Variants in XYLT1 observed in about 807,000 individuals in gnomAD.
The protein encoded by XYLT1 is xylosyltransferase 1.
A neutral mutation model predicts 91.3 loss-of-function variants in XYLT1; 36 were observed. The ratio of observed to expected loss-of-function variants is 0.39; its 90% CI spans 0.30 to 0.52. The LOEUF is 0.52. Among genes scored for constraint, XYLT1 ranks in the 20% least tolerant of loss-of-function variants. The pLI, the probability that XYLT1 is intolerant of heterozygous loss-of-function variation, is 0.68. For synonymous variants in XYLT1, 588 were observed against 532.0 expected (o/e 1.11, Z -1.45); for missense variants, 1,242 against 1,284.5 (o/e 0.97, Z 0.51).
chr16:17,137,900 C>CAACAGAGAA (rs1223351941), intron 8 of XYLT1, among the ~76,000 whole-genome samples: 2 of 152,098 alleles, frequency 1.3e-5, no homozygotes, highest in Non-Finnish European at 2.9e-5. Flanking sequence ...CAGCATGTCC[C>CAACAGAGAA]AACAGAGAAT....
chr16:17,368,241 G>A (rs1370370204), intron 1 of XYLT1, among the ~76,000 whole-genome samples: 2 of 152,154 alleles, frequency 1.3e-5, no homozygotes, highest in Admixed American at 6.5e-5. Context: ...GAAGAGAGAC[G>A]ATGAGAACAC....
chr16:17,285,543 T>G (rs1292552434), intron 2 of XYLT1, among the ~76,000 whole-genome samples: 1 of 152,212 alleles, frequency 6.6e-6, no homozygotes, highest in Non-Finnish European at 1.5e-5. Flanking sequence ...ACTGTGCATG[T>G]GCCCAGACCA....
At chr16:17,130,872 G>A (rs545100167) in intron 9 of XYLT1, among the ~76,000 whole-genome samples, 6 of 38,604 alleles carry the variant, frequency 1.6e-4, no homozygotes, top group African/African-American at 2.8e-4. Context: ...AAGCCCTACC[G>A]CTTTCTCTAG....
At chr16:17,141,808 T>A (rs1415011851) in intron 6 of XYLT1, among the ~76,000 whole-genome samples, 3 of 152,242 alleles carry the variant, frequency 2.0e-5, no homozygotes, top group African/African-American at 7.2e-5. Flanking sequence ...TATACAGGGT[T>A]ATGAAACAGC....
intron 4 of XYLT1, 126 bp downstream of exon 4, chr16:17,200,356 T>C: frequency 8.3e-7 from 1 of 1,207,444 alleles, no homozygotes. Context: ...GAGAGGCAGC[T>C]GGTCAGCTTC....
intron 2 of XYLT1, among the ~76,000 whole-genome samples, chr16:17,284,173 C>T (rs548344921): frequency 6.6e-6 from 1 of 152,318 alleles, no homozygotes; most frequent in Admixed American, 6.5e-5. Context: ...AGTCCTGTTG[C>T]GAAGATCAAA....
chr16:17,297,699 G>A (rs1474190207), intron 2 of XYLT1, among the ~76,000 whole-genome samples: 1 of 152,070 alleles, frequency 6.6e-6, no homozygotes, highest in Non-Finnish European at 1.5e-5. Flanking sequence ...CTCCAACCTA[G>A]GCCACAGAGT....
intron 5 of XYLT1, among the ~76,000 whole-genome samples, chr16:17,160,361 T>C (rs2031517860): frequency 6.6e-6 from 1 of 152,212 alleles, no homozygotes; most frequent in Admixed American, 6.5e-5. Flanking sequence ...CTGCCCCTAC[T>C]GCTCACCCCC....
intron 2 of XYLT1, among the ~76,000 whole-genome samples, chr16:17,323,022 A>G (rs1330364973): frequency 6.6e-6 from 1 of 152,238 alleles, no homozygotes; most frequent in Non-Finnish European, 1.5e-5. Flanking sequence ...CCAGAGAGGG[A>G]CAGGGCCATC....
intron 11 of XYLT1, among the ~76,000 whole-genome samples, chr16:17,116,001 AAT>A (rs1169306331): frequency 1.2e-4 from 5 of 41,452 alleles, no homozygotes; most frequent in Non-Finnish European, 4.2e-4. Context: ...AAAAAAAAGC[AAT>A]CTTACAGTAC....
intron 3 of XYLT1, among the ~76,000 whole-genome samples, chr16:17,214,552 C>G (rs1039932980): frequency 6.6e-6 from 1 of 152,120 alleles, no homozygotes; most frequent in African/African-American, 2.4e-5. Context: ...GTGTTTTACG[C>G]CACTAAGTTT....
chr16:17,177,715 A>G (rs190116717), intron 5 of XYLT1, among the ~76,000 whole-genome samples: 63 of 152,328 alleles, frequency 4.1e-4, no homozygotes, highest in Non-Finnish European at 7.5e-4. Context: ...GACTTCCAAG[A>G]TAAATTACAG....
intron 11 of XYLT1, among the ~76,000 whole-genome samples, chr16:17,115,185 C>A (rs559894197): frequency 1.3e-5 from 2 of 151,990 alleles, no homozygotes; most frequent in East Asian, 1.9e-4. Context: ...CTTGTTGGGG[C>A]TGGGTGTGGT....
intron 2 of XYLT1, among the ~76,000 whole-genome samples, chr16:17,354,079 C>G (rs1002786474): frequency 6.6e-6 from 1 of 152,264 alleles, no homozygotes; most frequent in Admixed American, 6.5e-5. Flanking sequence ...ATAATGCCAC[C>G]TAGCCACTCA....
intron 3 of XYLT1, among the ~76,000 whole-genome samples, chr16:17,218,833 C>A (rs1213284396): frequency 6.6e-6 from 1 of 152,162 alleles, no homozygotes; most frequent in Non-Finnish European, 1.5e-5. Context: ...TTTGAAATAC[C>A]TCCCAAGCAT....
chr16:17,159,990 A>G (rs2031507993), intron 5 of XYLT1, among the ~76,000 whole-genome samples: 1 of 152,226 alleles, frequency 6.6e-6, no homozygotes, highest in African/African-American at 2.4e-5. Flanking sequence ...ATTGTTTCAA[A>G]TGGGAGGAAC....
At chr16:17,198,080 C>T in intron 5 of XYLT1, 132 bp downstream of exon 5, 1 of 885,398 alleles carries the variant, frequency 1.1e-6, no homozygotes, top group Non-Finnish European at 1.7e-6. Flanking sequence ...TTCTCAGGTC[C>T]AATCAGAATC....
intron 1 of XYLT1, among the ~76,000 whole-genome samples, chr16:17,461,799 T>C (rs2036827511): frequency 6.6e-6 from 1 of 152,200 alleles, no homozygotes; most frequent in South Asian, 2.1e-4. Flanking sequence ...AACTTCAATT[T>C]CTAGTTTGGA....
At chr16:17,232,897 C>T (rs143892790) in intron 3 of XYLT1, among the ~76,000 whole-genome samples, 1 of 152,108 alleles carries the variant, frequency 6.6e-6, no homozygotes, top group African/African-American at 2.4e-5. Context: ...TACTCGCCTA[C>T]TTATTTATCT....
Sources: allele counts gnomAD v4.1 joint callset (sites outside exome capture counted in the v4.1 genomes callset), GRCh38; gene constraint gnomAD v4.1.1; transcripts MANE v1.5; gene names NCBI Gene and HGNC (gene_info 2026-07-23, HGNC 2026-07-21).